CLIP2: variants seen among roughly 807,000 people sequenced by gnomAD.
CLIP2 encodes the protein CAP-Gly domain containing linker protein 2.
In CLIP2, 41 loss-of-function variants were observed where a neutral mutation model predicts 111.7. The ratio of observed to expected loss-of-function variants is 0.37; its 90% CI spans 0.29 to 0.48. The LOEUF (loss-of-function observed/expected upper bound fraction) is 0.48. Among genes scored for constraint, CLIP2 ranks in the 20% least tolerant of loss-of-function variants. The probability of loss-of-function intolerance (pLI) is 0.99; values close to 1 mark genes in which losing one functional copy is unlikely to be tolerated. For synonymous variants in CLIP2, 660 were observed against 644.2 expected, an observed-to-expected ratio of 1.02 and a Z score of -0.37; for missense variants, 1,160 against 1,422.1, an observed-to-expected ratio of 0.82 and a Z score of 2.96.
intron 10 of CLIP2, among the ~76,000 whole-genome samples, chr7:74,377,707 G>A (rs1165375298): frequency 1.3e-5 from 2 of 152,186 alleles, no homozygotes; most frequent in Non-Finnish European, 2.9e-5. Context: ...TTCCCTGTGG[G>A]GCTGACAGAG....
intron 6 of CLIP2, among the ~76,000 whole-genome samples, chr7:74,359,634 C>T (rs1478053352): frequency 2.0e-5 from 3 of 152,178 alleles, no homozygotes; most frequent in South Asian, 2.1e-4. Flanking sequence ...AGATTACAGG[C>T]AGGAGCCACT....
chr7:74,339,156 A>G (rs1462274046), intron 3 of CLIP2, 152 bp downstream of exon 3: 5 of 669,252 alleles, frequency 7.5e-6, no homozygotes, highest in African/African-American at 7.2e-5. Context: ...ATTCCTTATC[A>G]GGACCATACA....
At chr7:74,380,696 C>A in intron 10 of CLIP2, 110 bp from the exon 11 acceptor site, 1 of 837,660 alleles carries the variant, frequency 1.2e-6, no homozygotes, top group Non-Finnish European at 1.9e-6. Flanking sequence ...CACTGAGGTC[C>A]CCCTTTGTAG....
intron 3 of CLIP2, among the ~76,000 whole-genome samples, chr7:74,343,675 T>C (rs1481095658): frequency 3.3e-5 from 5 of 150,060 alleles, no homozygotes; most frequent in Non-Finnish European, 5.9e-5. Context: ...GGCGGATCAC[T>C]CAAGGTCAGG....
chr7:74,314,358 G>T (rs1788714960), intron 1 of CLIP2, among the ~76,000 whole-genome samples: 1 of 152,028 alleles, frequency 6.6e-6, no homozygotes, highest in South Asian at 2.1e-4. Flanking sequence ...AGGCATGGTG[G>T]CAGATATCTG....
At chr7:74,305,611 A>T (rs990278140) in intron 1 of CLIP2, among the ~76,000 whole-genome samples, 1 of 152,140 alleles carries the variant, frequency 6.6e-6, no homozygotes, top group African/African-American at 2.4e-5. Flanking sequence ...CTCCTGCCTC[A>T]GTCTCCCAAG....
intron 2 of CLIP2, among the ~76,000 whole-genome samples, chr7:74,321,385 C>T (rs1163501462): frequency 6.6e-6 from 1 of 152,144 alleles, no homozygotes; most frequent in East Asian, 1.9e-4. Context: ...TCTAACAGAG[C>T]TGAGCATTTC....
intron 10 of CLIP2, among the ~76,000 whole-genome samples, chr7:74,378,028 G>A (rs946645255): frequency 1.3e-5 from 2 of 152,124 alleles, no homozygotes; most frequent in African/African-American, 2.4e-5. Context: ...GTTTCGCCAG[G>A]TAGTCCAGGC....
intron 12 of CLIP2, among the ~76,000 whole-genome samples, chr7:74,386,962 C>G (rs1479568492): frequency 6.7e-6 from 1 of 149,634 alleles, no homozygotes; most frequent in Non-Finnish European, 1.5e-5. Context: ...GGCAGAGCTG[C>G]CAGTGAGCCG....
chr7:74,370,154 T>TAAAAA (rs1790572447), intron 8 of CLIP2, among the ~76,000 whole-genome samples: 1 of 13,234 alleles, frequency 7.6e-5, no homozygotes, highest in Non-Finnish European at 2.1e-4. Context: ...AGACTCTGCC[T>TAAAAA]CAAAAAAAAA....
intron 7 of CLIP2, among the ~76,000 whole-genome samples, 166 bp downstream of exon 7, chr7:74,360,444 A>G (rs1204589115): frequency 6.6e-6 from 1 of 152,182 alleles, no homozygotes; most frequent in Non-Finnish European, 1.5e-5. Context: ...CAGTCTTCCT[A>G]TCTGTAAAGT....
chr7:74,385,942 A>G (rs1584383058), intron 11 of CLIP2, among the ~76,000 whole-genome samples: 1 of 150,842 alleles, frequency 6.6e-6, no homozygotes, highest in East Asian at 2.0e-4. Context: ...GGGTTTCTCC[A>G]TGTTGGTCAG....
At chr7:74,337,546 C>T (rs1789509443) in intron 2 of CLIP2, among the ~76,000 whole-genome samples, 1 of 150,782 alleles carries the variant, frequency 6.6e-6, no homozygotes, top group African/African-American at 2.4e-5. Flanking sequence ...GGGTTCCTCC[C>T]TGGCCCAGGA....
At chr7:74,302,051 T>C (rs569128535) in intron 1 of CLIP2, among the ~76,000 whole-genome samples, 1 of 152,214 alleles carries the variant, frequency 6.6e-6, no homozygotes, top group African/African-American at 2.4e-5. Context: ...GTGTGGGTTA[T>C]TTTCAGCGTT....
At chr7:74,368,626 G>C (rs550616770) in intron 8 of CLIP2, among the ~76,000 whole-genome samples, 12 of 152,190 alleles carry the variant, frequency 7.9e-5, no homozygotes, top group African/African-American at 2.6e-4. Flanking sequence ...CCGCACAGCT[G>C]CTTCCCTGGA....
intron 3 of CLIP2, among the ~76,000 whole-genome samples, chr7:74,352,854 T>C (rs1196961202): frequency 3.3e-5 from 5 of 151,636 alleles, no homozygotes; most frequent in Admixed American, 3.3e-4. Context: ...ACAAAAAATT[T>C]TTAAAAACTT....
chr7:74,387,127 T>TC (rs1483988616), intron 12 of CLIP2, among the ~76,000 whole-genome samples: 1 of 151,340 alleles, frequency 6.6e-6, no homozygotes, highest in Non-Finnish European at 1.5e-5. Context: ...CTATAATGCC[T>TC]CCCCGCCAGC....
rs992208371 is a variant in CLIP2 at position 74,404,188 on chromosome 7, A to G, written c.*340A>G. 6.1e-6 allele frequency: 2 copies of G among 328,056 alleles called. No homozygotes were observed. Among genetic ancestry groups the G allele is most frequent in the Admixed American group, 3.9e-5 (1 of 25,414 alleles). 20.3% of individuals were successfully genotyped at this position (328,056 alleles called of 1,614,324 possible). A position where few individuals can be genotyped will look rare whatever the true frequency, so the allele number is the denominator to read the frequency against. On this transcript the variant is annotated 3_prime_UTR_variant, in exon 17 of 17. Coordinates refer to ENST00000223398, the MANE Select transcript of CLIP2 (RefSeq NM_003388.5). ...TCCAGAAGGAGCTGCCCTGAGGACC[A>G]TCTTAGCGGCCCTGTCCTCTTTTTC...
In CLIP2 at chr7:74,403,826, A is replaced by C; in HGVS notation, c.3130-11A>C. ...GAGACCCTTGCTGATGATGCCCTTT[A>C]CTCTCTCTAGGACAAGCACTGATCC... On this transcript the variant is annotated splice_polypyrimidine_tract_variant and intron_variant, in intron 16 of 16. Coordinates refer to ENST00000223398, the MANE Select transcript of CLIP2 (RefSeq NM_003388.5). The C allele has an allele frequency of 6.2e-7, 1 of 1,611,910 alleles. No homozygotes were observed. The highest frequency in any genetic ancestry group is 8.5e-7 in the Non-Finnish European group (1 of 1,179,474).
Sources: gnomAD v4.1 joint callset for allele counts (sites outside exome capture counted in the v4.1 genomes callset) on GRCh38, gnomAD v4.1.1 for gene constraint, MANE v1.5 for transcripts, NCBI Gene and HGNC (gene_info 2026-07-23, HGNC 2026-07-21) for gene names.